SGCD: variants seen among roughly 807,000 people sequenced by gnomAD.
The protein encoded by SGCD is sarcoglycan delta, also known as delta-sarcoglycan.
Under a neutral mutation model 36.6 loss-of-function variants are expected in SGCD, and 18 were observed. The ratio of observed to expected loss-of-function variants is 0.49; its 90% CI spans 0.34 to 0.73. SGCD has a LOEUF of 0.73. SGCD is among the 30% of genes least tolerant of loss of function. The pLI is 0.01. For missense variants in SGCD, 387 were observed against 346.7 expected, an observed-to-expected ratio of 1.12 and a Z score of -0.92; for synonymous variants, 133 against 130.6, an observed-to-expected ratio of 1.02 and a Z score of -0.12.
chr5:156,435,911 G>A (rs1014061611), intron 3 of SGCD, among the ~76,000 whole-genome samples: 1 of 152,118 alleles, frequency 6.6e-6, no homozygotes, highest in Non-Finnish European at 1.5e-5. Context: ...CCAAGATGCT[G>A]TTTGCCGTTA....
intron 1 of SGCD, among the ~76,000 whole-genome samples, chr5:155,998,573 A>T (rs1040889489): frequency 5.3e-5 from 8 of 152,142 alleles, no homozygotes; most frequent in African/African-American, 1.9e-4. Context: ...TTATGTCATT[A>T]TCCATGGGTG....
In SGCD at chr5:156,170,157, A is replaced by G. The variant is rs201781784; in HGVS notation, c.-44+46138A>G. 3.3e-5 allele frequency among the ~76,000 whole-genome samples: 5 copies of G among 152,168 alleles called. No homozygotes were observed. In the East Asian group the frequency reaches 9.6e-4, roughly 29 times the overall value. On this transcript the variant is annotated intron_variant, in intron 3 of 9. Coordinates refer to the SGCD transcript ENST00000517913. ...TTAAAATGAACTGTTCCTGCAAGAC[A>G]CCATTAATAAGACCCTGAGAGGTAA...
the SGCD span, among the ~76,000 whole-genome samples, chr5:155,809,308 A>G: frequency 6.6e-6 from 1 of 152,250 alleles, no homozygotes; most frequent in African/African-American, 2.4e-5. Context: ...ATTTTTATCC[A>G]TCTCACTGCT....
In SGCD at chr5:156,571,100, G is replaced by A. The variant is rs182574437; in HGVS notation, c.295-18131G>A. On this transcript the variant is annotated intron_variant, in intron 4 of 8. Transcript: ENST00000337851. ...CTTGCTCTGTCGCCCAGCCTGGAGT[G>A]CAGTGGCTCAATCTCAGCTCACTGC... Among the ~76,000 whole-genome samples, 316 of 152,182 alleles carry A rather than the reference G, an allele frequency of 2.1e-3. 1 individual carries two copies. Among genetic ancestry groups the A allele is most frequent in the African/African-American group, 7.2e-3 (301 of 41,530 alleles).
At chr5:155,803,911 T>C in the SGCD span, among the ~76,000 whole-genome samples, 2 of 152,200 alleles carry the variant, frequency 1.3e-5, no homozygotes, top group African/African-American at 4.8e-5. Flanking sequence ...AACTGCTGTA[T>C]TGAAATGCCA....
intron 3 of SGCD, among the ~76,000 whole-genome samples, chr5:156,237,119 G>GCCA (rs1240794442): frequency 6.6e-6 from 1 of 152,022 alleles, no homozygotes; most frequent in Non-Finnish European, 1.5e-5. Context: ...ACAGACATGA[G>GCCA]CCACTATGCC....
At chr5:156,629,561 G>A (rs981887440) in intron 6 of SGCD, among the ~76,000 whole-genome samples, 4 of 152,172 alleles carry the variant, frequency 2.6e-5, no homozygotes, top group Admixed American at 1.3e-4. Flanking sequence ...TCAATTCCAA[G>A]GGATGATAAG....
chr5:156,077,130 A>G (rs1350563315), intron 1 of SGCD, among the ~76,000 whole-genome samples: 1 of 152,150 alleles, frequency 6.6e-6, no homozygotes, highest in Non-Finnish European at 1.5e-5. Context: ...AATTAATTAC[A>G]TTCAAATTAA....
the SGCD span, among the ~76,000 whole-genome samples, chr5:155,801,524 T>G: frequency 6.6e-6 from 1 of 152,198 alleles, no homozygotes; most frequent in Non-Finnish European, 1.5e-5. Context: ...TCAAATTCTC[T>G]CCTCTGGGAC....
In SGCD at chr5:156,262,538, A is replaced by AT. The variant is rs890313787; in HGVS notation, c.-43-66988dup. ...ACTGTGAATTATTAGGTAAATTTTT[A>AT]TTTTTTTTATTTCCATAGGTTTTTG... On this transcript the variant is annotated intron_variant, in intron 3 of 9. Coordinates refer to the SGCD transcript ENST00000517913. 1.6e-4 allele frequency among the ~76,000 whole-genome samples: 24 copies of AT among 151,992 alleles called. No homozygotes were observed. In the South Asian group the frequency reaches 1.7e-3, roughly 11 times the overall value.
chr5:155,973,038 T>C (rs1054716510), intron 1 of SGCD, among the ~76,000 whole-genome samples: 3 of 152,190 alleles, frequency 2.0e-5, no homozygotes, highest in African/African-American at 7.2e-5. Context: ...AATTTTAAAA[T>C]TGTTATATAG....
chr5:156,685,953 A>G (rs1317637555), intron 7 of SGCD, among the ~76,000 whole-genome samples: 1 of 152,206 alleles, frequency 6.6e-6, no homozygotes, highest in African/African-American at 2.4e-5. Context: ...GGGCAGAAAA[A>G]GTAACCACTG....
intron 3 of SGCD, among the ~76,000 whole-genome samples, chr5:156,252,644 T>C (rs780799473): frequency 1.3e-5 from 2 of 152,194 alleles, no homozygotes; most frequent in Non-Finnish European, 2.9e-5. Context: ...AGGAAAGCAA[T>C]AGTGGCCCCA....
At chr5:156,006,501 T>C (rs1227086824) in intron 1 of SGCD, among the ~76,000 whole-genome samples, 2 of 152,218 alleles carry the variant, frequency 1.3e-5, no homozygotes, top group African/African-American at 4.8e-5. Flanking sequence ...GAAATGAAAC[T>C]GCAACACGTT....
At chr5:156,674,217 A>G (rs1336824364) in intron 7 of SGCD, among the ~76,000 whole-genome samples, 41 of 152,210 alleles carry the variant, frequency 2.7e-4, no homozygotes, top group Non-Finnish European at 5.9e-5. Context: ...AGCTATGACA[A>G]CACATTCAAT....
intron 1 of SGCD, among the ~76,000 whole-genome samples, chr5:156,042,584 A>G (rs1759664618): frequency 6.6e-6 from 1 of 152,094 alleles, no homozygotes; most frequent in Non-Finnish European, 1.5e-5. Flanking sequence ...GTTTTCAAGG[A>G]TAGTTTTGAT....
At chr5:155,736,478 G>T in the SGCD span, among the ~76,000 whole-genome samples, 2 of 152,002 alleles carry the variant, frequency 1.3e-5, no homozygotes, top group Admixed American at 1.3e-4. Context: ...ATAACAAATT[G>T]CTCCCTTTCC....
chr5:156,393,563 C>T (rs945321119), intron 3 of SGCD, among the ~76,000 whole-genome samples: 8 of 152,112 alleles, frequency 5.3e-5, no homozygotes, highest in African/African-American at 1.2e-4. Context: ...CACATGATAG[C>T]GTGCTCCTGT....
At chr5:156,376,410 T>TA (rs1223383159) in intron 3 of SGCD, among the ~76,000 whole-genome samples, 1 of 152,214 alleles carries the variant, frequency 6.6e-6, no homozygotes, top group Non-Finnish European at 1.5e-5. Context: ...GGTAACTGCT[T>TA]TAAGTAGCAG....
Sources: gnomAD v4.1 joint callset for allele counts (sites outside exome capture counted in the v4.1 genomes callset) on GRCh38, gnomAD v4.1.1 for gene constraint, MANE v1.5 for transcripts, NCBI Gene and HGNC (gene_info 2026-07-23, HGNC 2026-07-21) for gene names.